RBFOX1: variants seen among roughly 807,000 people sequenced by gnomAD.
RBFOX1 encodes RNA binding fox-1 homolog 1.
Under a neutral mutation model 57.7 loss-of-function variants are expected in RBFOX1, and 8 were observed. That is an observed-to-expected ratio of 0.14 (90% CI 0.08 to 0.25). The LOEUF is 0.25. RBFOX1 is among the 10% of genes least tolerant of loss of function. The pLI, the probability that RBFOX1 is intolerant of heterozygous loss-of-function variation, is 1.00. For synonymous variants in RBFOX1, 326 were observed against 222.4 expected, an observed-to-expected ratio of 1.47 and a Z score of -4.15; for missense variants, 611 against 548.5, an observed-to-expected ratio of 1.11 and a Z score of -1.14.
chr16:5,625,888 T>G (rs928626781), intron 3 of RBFOX1, among the ~76,000 whole-genome samples: 2 of 151,068 alleles, frequency 1.3e-5, no homozygotes, highest in South Asian at 2.1e-4. Flanking sequence ...CTTATTTTAT[T>G]TTTTTGAGAT....
At chr16:7,649,800 A>T (rs1373694278) in intron 11 of RBFOX1, among the ~76,000 whole-genome samples, 1 of 152,188 alleles carries the variant, frequency 6.6e-6, no homozygotes, top group Admixed American at 6.5e-5. Context: ...ACGCACCAGT[A>T]AGCGTCCTTC....
intron 4 of RBFOX1, among the ~76,000 whole-genome samples, chr16:5,975,857 A>C (rs1028032916): frequency 2.0e-5 from 3 of 152,146 alleles, no homozygotes; most frequent in Admixed American, 2.0e-4. Context: ...AATATTTTTT[A>C]TTATCTGGAA....
At chr16:5,638,353 C>T (rs555723441) in intron 3 of RBFOX1, among the ~76,000 whole-genome samples, 58 of 152,286 alleles carry the variant, frequency 3.8e-4, no homozygotes, top group African/African-American at 1.4e-3. Context: ...AGATGCTAAA[C>T]GTTGTTTGGT....
intron 4 of RBFOX1, among the ~76,000 whole-genome samples, chr16:7,301,628 A>T (rs1332772943): frequency 6.6e-6 from 1 of 152,186 alleles, no homozygotes; most frequent in Non-Finnish European, 1.5e-5. Context: ...AACCGTTCAG[A>T]TAAAGTCTTA....
intron 3 of RBFOX1, among the ~76,000 whole-genome samples, chr16:6,741,778 GAATT>G (rs1388887365): frequency 1.3e-5 from 2 of 151,920 alleles, no homozygotes; most frequent in African/African-American, 2.4e-5. Context: ...ATCTAATAAA[GAATT>G]AATATCTATA....
intron 5 of RBFOX1, among the ~76,000 whole-genome samples, chr16:7,576,059 A>C (rs779677251): frequency 2.6e-5 from 4 of 151,614 alleles, no homozygotes; most frequent in African/African-American, 7.3e-5. Context: ...CGGTCTCCCA[A>C]GTAGCTGGGA....
chr16:7,702,138 C>G (rs748610122), intron 14 of RBFOX1, among the ~76,000 whole-genome samples: 6 of 152,264 alleles, frequency 3.9e-5, no homozygotes, highest in Middle Eastern at 3.4e-3. Flanking sequence ...CTGGGATTAG[C>G]CCAGACCTTA....
chr16:6,569,999 C>T (rs1421036749), intron 2 of RBFOX1, among the ~76,000 whole-genome samples: 1 of 152,102 alleles, frequency 6.6e-6, no homozygotes, highest in East Asian at 1.9e-4. Flanking sequence ...GTTAGGAAAC[C>T]CTTGCATTCT....
intron 2 of RBFOX1, among the ~76,000 whole-genome samples, chr16:6,406,285 T>G (rs1444948235): frequency 6.6e-6 from 1 of 152,154 alleles, no homozygotes; most frequent in Non-Finnish European, 1.5e-5. Context: ...CTGGGACTCA[T>G]GAACTTCCAC....
At chr16:6,065,160 T>A (rs1168349252) in intron 1 of RBFOX1, among the ~76,000 whole-genome samples, 2 of 151,574 alleles carry the variant, frequency 1.3e-5, no homozygotes, top group Non-Finnish European at 2.9e-5. Flanking sequence ...CCAGAGTGGC[T>A]GAGACTACAG....
At chr16:6,118,772 T>C (rs1162050182) in intron 1 of RBFOX1, among the ~76,000 whole-genome samples, 1 of 148,866 alleles carries the variant, frequency 6.7e-6, no homozygotes, top group Non-Finnish European at 1.5e-5. Flanking sequence ...TTTCTCCCTC[T>C]CTTTCTCCCT....
chr16:6,292,859 C>G (rs1015298018), intron 1 of RBFOX1, among the ~76,000 whole-genome samples: 3 of 152,168 alleles, frequency 2.0e-5, no homozygotes, highest in African/African-American at 7.2e-5. Flanking sequence ...TTTTCTACTT[C>G]TTACAAAATA....
chr16:6,953,642 C>G (rs963692616), intron 3 of RBFOX1, among the ~76,000 whole-genome samples: 2 of 152,160 alleles, frequency 1.3e-5, no homozygotes, highest in Admixed American at 6.6e-5. Context: ...TCATCTCGGC[C>G]TCCCAAAGCG....
intron 2 of RBFOX1, among the ~76,000 whole-genome samples, chr16:6,344,858 T>G (rs1429870512): frequency 6.6e-6 from 1 of 151,686 alleles, no homozygotes; most frequent in Non-Finnish European, 1.5e-5. Flanking sequence ...GCTCCACTAA[T>G]TTTTCTATTT....
intron 2 of RBFOX1, among the ~76,000 whole-genome samples, chr16:6,461,224 A>G (rs970212304): frequency 2.9e-4 from 44 of 152,192 alleles, no homozygotes; most frequent in Non-Finnish European, 2.9e-5. Flanking sequence ...TATGTAGTGC[A>G]CCCACACATC....
At chr16:7,042,476 C>T (rs145902403) in intron 3 of RBFOX1, among the ~76,000 whole-genome samples, 1 of 152,168 alleles carries the variant, frequency 6.6e-6, no homozygotes, top group Non-Finnish European at 1.5e-5. Context: ...TAAAATGGAG[C>T]TAAAATCAAA....
chr16:5,265,297 C>T (rs536412967), intron 1 of RBFOX1, among the ~76,000 whole-genome samples: 7 of 152,070 alleles, frequency 4.6e-5, no homozygotes, highest in South Asian at 4.2e-4. Flanking sequence ...ATTGATAAAA[C>T]GGTACAGCCA....
intron 2 of RBFOX1, among the ~76,000 whole-genome samples, chr16:6,346,974 G>A (rs1249032662): frequency 6.6e-6 from 1 of 152,052 alleles, no homozygotes; most frequent in Non-Finnish European, 1.5e-5. Flanking sequence ...GTTGTAAGGT[G>A]GGTCTTTCCA....
chr16:7,646,241 G>C (rs1275884819), intron 11 of RBFOX1, among the ~76,000 whole-genome samples: 1 of 152,090 alleles, frequency 6.6e-6, no homozygotes, highest in Admixed American at 6.6e-5. Context: ...GCCCTGCCTC[G>C]GAAATTGCTG....
Sources: gnomAD v4.1 joint callset for allele counts (sites outside exome capture counted in the v4.1 genomes callset) on GRCh38, gnomAD v4.1.1 for gene constraint, MANE v1.5 for transcripts, NCBI Gene and HGNC (gene_info 2026-07-23, HGNC 2026-07-21) for gene names.